Variants in FMN2 observed in about 807,000 individuals in gnomAD.
FMN2 encodes the protein formin-2.
FMN2 carries 51 observed loss-of-function variants against 142.3 expected under a neutral mutation model. That is an observed-to-expected ratio of 0.36 (90% confidence interval 0.29 to 0.45). The LOEUF is 0.45. Ranked by LOEUF, FMN2 falls within the 20% of genes least tolerant of loss-of-function variation. The pLI is 1.00. For missense variants in FMN2, 1,936 were observed against 2,122.8 expected (o/e 0.91, Z 1.73); for synonymous variants, 882 against 869.8 (o/e 1.01, Z -0.25).
At chr1:240,211,326 T>C in intron 6 of FMN2, 91 bp downstream of exon 6, 2 of 1,261,734 alleles carry the variant, frequency 1.6e-6, no homozygotes, top group Non-Finnish European at 2.2e-6. Flanking sequence ...GTTTTTGGGC[T>C]GTGTAAACCT....
intron 16 of FMN2, among the ~76,000 whole-genome samples, chr1:240,468,206 A>ATATGTGTG (rs374934885): frequency 0.09 from 13,246 of 147,910 alleles, 845 homozygotes; most frequent in African/African-American, 0.18. Flanking sequence ...ATATATATAT[A>ATATGTGTG]TGTGTGTGTG....
At chr1:240,125,657 T>C (rs1167357109) in intron 2 of FMN2, among the ~76,000 whole-genome samples, 1 of 152,196 alleles carries the variant, frequency 6.6e-6, no homozygotes, top group Non-Finnish European at 1.5e-5. Context: ...AAGTGAACAG[T>C]CTTGCCAGTC....
At chr1:240,211,267 A>G (rs912410821) in intron 6 of FMN2, 32 bp downstream of exon 6, 15 of 1,601,358 alleles carry the variant, frequency 9.4e-6, no homozygotes, top group Non-Finnish European at 1.1e-5. Flanking sequence ...GAAATTGGAC[A>G]GTGTTTCTGG....
intron 6 of FMN2, among the ~76,000 whole-genome samples, chr1:240,226,800 C>T (rs1336011071): frequency 6.9e-6 from 1 of 144,052 alleles, no homozygotes; most frequent in African/African-American, 2.6e-5. Flanking sequence ...AAATCGTATA[C>T]ACTTTAGTGA....
At chr1:240,305,932 A>G (rs1185442156) in intron 8 of FMN2, among the ~76,000 whole-genome samples, 4 of 149,920 alleles carry the variant, frequency 2.7e-5, no homozygotes, top group Non-Finnish European at 5.9e-5. Context: ...ACAGTTTTCT[A>G]GACTAGATAT....
At chr1:240,209,840 C>G (rs1666617124) in intron 5 of FMN2, among the ~76,000 whole-genome samples, 1 of 151,688 alleles carries the variant, frequency 6.6e-6, no homozygotes, top group Non-Finnish European at 1.5e-5. Flanking sequence ...GGAGGCGGAG[C>G]TTGCAGTGAG....
chr1:240,434,613 G>C (rs1023957464), intron 15 of FMN2, among the ~76,000 whole-genome samples: 23 of 151,242 alleles, frequency 1.5e-4, no homozygotes, highest in African/African-American at 5.3e-4. Flanking sequence ...CCAGGCTGGA[G>C]TGCAGTGACG....
intron 16 of FMN2, among the ~76,000 whole-genome samples, chr1:240,454,053 A>G (rs1042524024): frequency 1.3e-5 from 2 of 152,110 alleles, no homozygotes; most frequent in African/African-American, 4.8e-5. Context: ...GGTAAAAGTC[A>G]CTGGAAATAA....
At chr1:240,397,690 T>C (rs1424969033) in intron 15 of FMN2, among the ~76,000 whole-genome samples, 1 of 145,074 alleles carries the variant, frequency 6.9e-6, no homozygotes, top group Non-Finnish European at 1.5e-5. Flanking sequence ...TTCAGAAGGC[T>C]GAGGCATGAG....
chr1:240,438,117 T>C lies in FMN2; in HGVS notation c.4967T>C (p.Val1656Ala), dbSNP rs1448680659. ...FMKPKLGEKE[V>A]SPNAFFSIWH... Reference sequence around the variant, plus strand: ...AAACCAAAACTTGGAGAGAAGGAGGTGTCCCCAAATGCTTTCTTCAGTATC... The same window carrying C: ...AAACCAAAACTTGGAGAGAAGGAGGCGTCCCCAAATGCTTTCTTCAGTATC... The change falls in exon 16 of 18, where the codon GTG (valine) becomes GCG (alanine). Residue 1656 changes from valine to alanine, a missense_variant. By Grantham distance (64) the Val-to-Ala change is moderately conservative. Coordinates refer to ENST00000319653, the MANE Select transcript of FMN2 (RefSeq NM_020066.5). The C allele has an allele frequency of 1.9e-6, 3 of 1,614,060 alleles. No individual in the cohort carries two copies. Among genetic ancestry groups the C allele is most frequent in the Non-Finnish European group, 2.5e-6 (3 of 1,179,974 alleles).
intron 13 of FMN2, among the ~76,000 whole-genome samples, chr1:240,344,514 T>G (rs1671842645): frequency 6.6e-6 from 1 of 152,228 alleles, no homozygotes; most frequent in Admixed American, 6.5e-5. Flanking sequence ...ATGTGTACTC[T>G]ATTTAAATCA....
intron 14 of FMN2, among the ~76,000 whole-genome samples, chr1:240,388,901 G>C (rs923392024): frequency 6.6e-6 from 1 of 151,412 alleles, no homozygotes; most frequent in Non-Finnish European, 1.5e-5. Flanking sequence ...GCATTGCTGG[G>C]CGACAGTAGC....
intron 2 of FMN2, chr1:240,171,176 T>C: frequency 1.2e-6 from 1 of 859,400 alleles, no homozygotes; most frequent in South Asian, 1.3e-5. Context: ...TCTGAATATG[T>C]GTCTAAAAAG....
intron 16 of FMN2, 68 bp from the exon 17 acceptor site, chr1:240,472,304 T>C (rs1338974190): frequency 8.9e-7 from 1 of 1,128,602 alleles, no homozygotes; most frequent in African/African-American, 1.6e-5. Flanking sequence ...GTTTGCTCAC[T>C]TACTATAAGG....
intron 7 of FMN2, among the ~76,000 whole-genome samples, 187 bp downstream of exon 7, chr1:240,258,219 G>A (rs555054071): frequency 1.3e-5 from 2 of 152,200 alleles, no homozygotes; most frequent in Non-Finnish European, 2.9e-5. Flanking sequence ...TTTGCCTGTG[G>A]TGTTATTTAT....
chr1:240,408,539 T>C (rs1164317292), intron 15 of FMN2, among the ~76,000 whole-genome samples: 1 of 152,210 alleles, frequency 6.6e-6, no homozygotes, highest in African/African-American at 2.4e-5. Context: ...CCATGTTTTT[T>C]TTCTGAACTG....
chr1:240,368,974 A>ATATAT (rs1553370054), intron 14 of FMN2, among the ~76,000 whole-genome samples: 1 of 120,580 alleles, frequency 8.3e-6, no homozygotes, highest in African/African-American at 4.1e-5. Context: ...TATATATATA[A>ATATAT]ACACAGAGTA....
intron 1 of FMN2, among the ~76,000 whole-genome samples, chr1:240,095,034 G>C (rs1661149300): frequency 6.6e-6 from 1 of 151,514 alleles, no homozygotes; most frequent in South Asian, 2.1e-4. Context: ...TTATTGTGTA[G>C]ATTGTTAAAA....
At chr1:240,443,871 G>A (rs1174407517) in intron 16 of FMN2, among the ~76,000 whole-genome samples, 4 of 152,176 alleles carry the variant, frequency 2.6e-5, no homozygotes, top group Non-Finnish European at 4.4e-5. Context: ...TAGTGGGTAA[G>A]GAAATAGGCA....
Sources: gnomAD v4.1 joint callset for allele counts (sites outside exome capture counted in the v4.1 genomes callset) on GRCh38, gnomAD v4.1.1 for gene constraint, MANE v1.5 for transcripts, NCBI Gene and HGNC (gene_info 2026-07-23, HGNC 2026-07-21) for gene names.